The following PTPRG variants were observed in gnomAD, a reference collection of about 807,000 sequenced individuals.
PTPRG encodes protein tyrosine phosphatase receptor type G.
PTPRG carries 102 observed loss-of-function variants against 165.3 expected under a neutral mutation model. The ratio of observed to expected loss-of-function variants is 0.62; its 90% CI spans 0.53 to 0.73. PTPRG has a LOEUF of 0.73. PTPRG is among the 30% of genes least tolerant of loss of function. The probability of loss-of-function intolerance (pLI) is 0.00; values close to 1 mark genes in which losing one functional copy is unlikely to be tolerated. For missense variants in PTPRG, 1,866 were observed against 1,861.4 expected (o/e 1.00, Z -0.05); for synonymous variants, 675 against 669.5 (o/e 1.01, Z -0.13).
At chr3:61,899,478 A>G (rs550070212) in intron 2 of PTPRG, among the ~76,000 whole-genome samples, 2 of 152,340 alleles carry the variant, frequency 1.3e-5, no homozygotes, top group South Asian at 4.1e-4. Context: ...AAGTGATTTC[A>G]TATGGCCTTT....
chr3:62,052,638 T>C (rs2106657333), intron 4 of PTPRG, among the ~76,000 whole-genome samples: 1 of 152,116 alleles, frequency 6.6e-6, no homozygotes, highest in Admixed American at 6.5e-5. Flanking sequence ...CAGGCTGCAG[T>C]GAGCTGTGAT....
At chr3:61,943,978 T>C (rs1279488441) in intron 2 of PTPRG, among the ~76,000 whole-genome samples, 2 of 152,124 alleles carry the variant, frequency 1.3e-5, no homozygotes, top group Non-Finnish European at 2.9e-5. Context: ...GTAATTTAAC[T>C]TTTTTTTCGT....
intron 2 of PTPRG, among the ~76,000 whole-genome samples, chr3:61,981,896 A>G (rs901517494): frequency 1.3e-5 from 2 of 152,216 alleles, no homozygotes; most frequent in Non-Finnish European, 2.9e-5. Context: ...CTGTCCCCCT[A>G]GAAAGGTATT....
At position 62,228,525 on chromosome 3, in the gene PTPRG, AG is replaced by A. The variant is rs1289783963; in HGVS notation, c.2289-2699del. ...CAAAACTCCATCTCAAAAAAAAAAA[AG>A]AAAGAAAGAAAAAAGAAAAAGAAAA... On this transcript the variant is annotated intron_variant, in intron 13 of 29. Transcript: ENST00000474889. The surrounding 1 kb of genome is among the most constrained non-coding windows in gnomAD (Gnocchi z 4.1). Among the ~76,000 whole-genome samples the A allele has an allele frequency of 3.0e-4, 46 of 151,866 alleles. No homozygotes were observed. The highest frequency in any genetic ancestry group is 1.1e-3 in the African/African-American group (46 of 41,400).
chr3:62,082,664 C>G (rs1280035345), intron 5 of PTPRG, among the ~76,000 whole-genome samples: 1 of 152,138 alleles, frequency 6.6e-6, no homozygotes, highest in African/African-American at 2.4e-5. Context: ...CCCAGTAACT[C>G]TGAATGGCAG....
chr3:61,568,746 A>G (rs1422604336), intron 1 of PTPRG, among the ~76,000 whole-genome samples: 2 of 152,008 alleles, frequency 1.3e-5, no homozygotes, highest in African/African-American at 4.8e-5. Context: ...TGTCTCTTCT[A>G]AAAATACAAA....
intron 2 of PTPRG, among the ~76,000 whole-genome samples, chr3:61,981,822 T>G (rs1232104951): frequency 6.6e-6 from 1 of 152,182 alleles, no homozygotes; most frequent in Admixed American, 6.6e-5. Context: ...ACATCACCAC[T>G]GCCATATTCA....
intron 1 of PTPRG, among the ~76,000 whole-genome samples, chr3:61,648,185 A>T (rs1409652704): frequency 6.6e-6 from 1 of 152,200 alleles, no homozygotes; most frequent in East Asian, 1.9e-4. Flanking sequence ...CATGGTGATG[A>T]AGACACTCTG....
chr3:61,859,456 G>C (rs1166718703), intron 2 of PTPRG, among the ~76,000 whole-genome samples: 1 of 152,218 alleles, frequency 6.6e-6, no homozygotes, highest in East Asian at 1.9e-4. Context: ...GGGAAAATCA[G>C]AGCTGACATG....
At chr3:61,588,742 G>A (rs893153889) in intron 1 of PTPRG, among the ~76,000 whole-genome samples, 2 of 152,118 alleles carry the variant, frequency 1.3e-5, no homozygotes, top group East Asian at 3.9e-4. Context: ...CGCCGCGCCC[G>A]GCCCTAGGAG....
Position 62,229,368 on chromosome 3 carries a change from C to T in PTPRG, c.2289-1857C>T, listed in dbSNP as rs1156998994. 6.6e-6 allele frequency among the ~76,000 whole-genome samples: 1 copy of T among 152,166 alleles called. No homozygotes were observed. Among genetic ancestry groups the T allele is most frequent in the Non-Finnish European group, 1.5e-5 (1 of 68,036 alleles). ...GGCTACTCAGGGGCCTTTCAGAATT[C>T]ACGAGAGCTGTCAGTTGTTATAGTA... On this transcript the variant is annotated intron_variant, in intron 13 of 29. Coordinates refer to ENST00000474889, the MANE Select transcript of PTPRG (RefSeq NM_002841.4). The surrounding 1 kb of genome is among the most constrained non-coding windows in gnomAD (Gnocchi z 4.6).
chr3:61,972,861 G>A (rs2040416228), intron 2 of PTPRG, among the ~76,000 whole-genome samples: 1 of 149,632 alleles, frequency 6.7e-6, no homozygotes, highest in Admixed American at 6.7e-5. Flanking sequence ...GTCCTCCTAT[G>A]TTGCTCAGGC....
chr3:61,972,337 T>C (rs1442896703), intron 2 of PTPRG, among the ~76,000 whole-genome samples: 1 of 152,178 alleles, frequency 6.6e-6, no homozygotes, highest in African/African-American at 2.4e-5. Context: ...AGGCCAGATG[T>C]GTAGGGCCTT....
intron 5 of PTPRG, among the ~76,000 whole-genome samples, chr3:62,082,069 A>G (rs1701601444): frequency 6.6e-6 from 1 of 152,204 alleles, no homozygotes; most frequent in Non-Finnish European, 1.5e-5. Context: ...GTGCTTATAA[A>G]CCCACATATT....
At chr3:62,175,007 A>G (rs17066239) in intron 8 of PTPRG, among the ~76,000 whole-genome samples, 11,362 of 152,252 alleles carry the variant, frequency 0.075, 708 homozygotes, top group East Asian at 0.35. Flanking sequence ...GACAAAAAAA[A>G]CAGGTCTGTT....
intron 3 of PTPRG, among the ~76,000 whole-genome samples, chr3:61,998,693 G>T (rs1005834572): frequency 6.6e-6 from 1 of 152,210 alleles, no homozygotes; most frequent in Admixed American, 6.5e-5. Flanking sequence ...TGGCCTCTAG[G>T]TTAAGAAACC....
intron 10 of PTPRG, among the ~76,000 whole-genome samples, chr3:62,196,449 G>T (rs1699965888): frequency 6.6e-6 from 1 of 152,028 alleles, no homozygotes; most frequent in African/African-American, 2.4e-5. Context: ...AAAAATAAAA[G>T]CAAAATTAAT....
In PTPRG at chr3:61,725,175, C is replaced by T. The variant is rs928718356; in HGVS notation, c.86-23703C>T. Among the ~76,000 whole-genome samples, 7 of 152,112 alleles carry T rather than the reference C, an allele frequency of 4.6e-5. No individual in the cohort carries two copies. In the East Asian group the frequency reaches 1.2e-3, roughly 25 times the overall value. ...AAGTTGTGAGATTTACGTTGAGATACGCTTTTTTTTGGGACAGAATCTTGC... is the reference window on the plus strand; with the variant it reads ...AAGTTGTGAGATTTACGTTGAGATATGCTTTTTTTTGGGACAGAATCTTGC... On this transcript the variant is annotated intron_variant, in intron 1 of 29. Transcript: ENST00000474889.
intron 2 of PTPRG, among the ~76,000 whole-genome samples, chr3:61,952,272 T>A (rs921909392): frequency 1.3e-5 from 2 of 152,184 alleles, no homozygotes; most frequent in Non-Finnish European, 2.9e-5. Flanking sequence ...AGCCAGGATT[T>A]TGAAGTTCTT....
Sources: allele counts gnomAD v4.1 joint callset (sites outside exome capture counted in the v4.1 genomes callset), GRCh38; gene constraint gnomAD v4.1.1; non-coding constraint Gnocchi (gnomAD v3.1); transcripts MANE v1.5; gene names NCBI Gene and HGNC (gene_info 2026-07-23, HGNC 2026-07-21).